ARL10: variants seen among roughly 807,000 people sequenced by gnomAD.
The protein encoded by ARL10 is ADP-ribosylation factor-like protein 10.
A neutral mutation model predicts 26.1 loss-of-function variants in ARL10; 23 were observed. The ratio of observed to expected loss-of-function variants is 0.88; its 90% CI spans 0.63 to 1.25. The LOEUF (loss-of-function observed/expected upper bound fraction) is 1.25, where lower values mean the gene tolerates loss of function less well. Among genes scored for constraint, ARL10 ranks in the 50% most tolerant of loss-of-function variants. The pLI is 0.00. For synonymous variants in ARL10, 138 were observed against 149.1 expected (o/e 0.93, Z 0.54); for missense variants, 300 against 323.6 (o/e 0.93, Z 0.56).
At chr5:176,388,596 T>C (rs1561785799) in exon 2 of ARL10, 2 of 1,498,738 alleles carry the variant, frequency 1.3e-6, no homozygotes, top group South Asian at 1.2e-5. Flanking sequence ...TCAGACCTCG[T>C]GTAACAAACT....
At chr5:176,398,576 G>C in intron 1 of ARL10, among the ~76,000 whole-genome samples, 1 of 151,900 alleles carries the variant, frequency 6.6e-6, no homozygotes, top group Middle Eastern at 3.2e-3. Flanking sequence ...GCCAGGCGTG[G>C]TGGTGCATGC....
chr5:176,389,004 A>T (rs201088320), downstream of ARL10: 165 of 1,612,494 alleles, frequency 1.0e-4, 2 homozygotes, highest in East Asian at 2.9e-3. Flanking sequence ...CTGCACAAGG[A>T]GAGGACAGTG....
downstream of ARL10, among the ~76,000 whole-genome samples, chr5:176,383,524 G>A (rs1407914036): frequency 6.6e-6 from 1 of 152,254 alleles, no homozygotes; most frequent in African/African-American, 2.4e-5. Context: ...GCCAGGTTGG[G>A]GGCCTCGGAT....
intron 1 of ARL10, 110 bp downstream of exon 1, chr5:176,365,856 G>T: frequency 8.7e-7 from 1 of 1,146,468 alleles, no homozygotes; most frequent in Non-Finnish European, 1.1e-6. Context: ...CGGGAGCTTG[G>T]GGGGTCGAGG....
chr5:176,403,605 G>C (rs564717969), downstream of ARL10, among the ~76,000 whole-genome samples: 2 of 151,402 alleles, frequency 1.3e-5, no homozygotes, highest in African/African-American at 4.9e-5. Context: ...AGGCGCCCAC[G>C]ACCACGCCTG....
intron 1 of ARL10, 131 bp from the exon 2 acceptor site, chr5:176,366,249 C>A: frequency 9.1e-7 from 1 of 1,103,790 alleles, no homozygotes; most frequent in Non-Finnish European, 1.3e-6. Flanking sequence ...TCGTCCCACT[C>A]ATCCAGACCA....
chr5:176,382,685 G>A (rs567567392), downstream of ARL10, among the ~76,000 whole-genome samples: 1 of 152,168 alleles, frequency 6.6e-6, no homozygotes, highest in African/African-American at 2.4e-5. Context: ...GGGCCGGGAG[G>A]TTGAGGCTGC....
At chr5:176,410,158 C>T in the ARL10 span, 1 of 1,061,362 alleles carries the variant, frequency 9.4e-7, no homozygotes, top group Non-Finnish European at 1.4e-6. Context: ...ACATAATGAA[C>T]AGGAGAACCT....
At position 176,365,583 on chromosome 5, in the gene ARL10, G is replaced by A. The variant is rs1178086861; in HGVS notation, c.20G>A (p.Gly7Asp). Residue 7 changes from glycine to aspartate, a missense_variant, in exon 1 of 4, where the codon GGC becomes GAC. Coordinates refer to ENST00000310389, the MANE Select transcript of ARL10 (RefSeq NM_173664.6). ...GGCCCGATGGCGCCGCGGCCGCTGGGCCCCTTGGTGCTGGCGCTGGGCGGC... is the reference window on the plus strand; with the variant it reads ...GGCCCGATGGCGCCGCGGCCGCTGGACCCCTTGGTGCTGGCGCTGGGCGGC... MAPRPL[G>D]PLVLALGGAA... 2 of 1,240,174 alleles carry A rather than the reference G, an allele frequency of 1.6e-6. No individual in the cohort carries two copies. Among genetic ancestry groups the A allele is most frequent in the African/African-American group, 1.6e-5 (1 of 64,216 alleles). 76.8% of individuals were successfully genotyped at this position (1,240,174 alleles called of 1,614,324 possible).
Position 176,377,217 on chromosome 5 carries a change from CTT to C in ARL10, c.*5324_*5325del, listed in dbSNP as rs1349402408. On this transcript the variant is annotated 3_prime_UTR_variant, in exon 4 of 4. Transcript: ENST00000310389. This position sits in a 1 kb window ranked among gnomAD's most constrained non-coding sequence, Gnocchi z 4.5. ...TGAAATTCAAAGCCAATGGTGGTAT[CTT>C]TGGCCAAGATAATCCAATCGATTCA... is the stretch of plus-strand genomic sequence containing the variant. 1 of 152,212 alleles carries C rather than the reference CTT, an allele frequency of 6.6e-6. No homozygotes were observed. Among genetic ancestry groups the C allele is most frequent in the Non-Finnish European group, 1.5e-5 (1 of 68,016 alleles). 9.4% of individuals were successfully genotyped at this position (152,212 alleles called of 1,614,324 possible). A position where few individuals can be genotyped will look rare whatever the true frequency, so the allele number is the denominator to read the frequency against.
downstream of ARL10, among the ~76,000 whole-genome samples, chr5:176,403,540 C>T (rs763784882): frequency 4.6e-5 from 7 of 151,622 alleles, no homozygotes; most frequent in Admixed American, 1.3e-4. Context: ...CTGCAACCTC[C>T]GCCTCCCGGG....
At chr5:176,392,722 C>T, downstream of ARL10, 1 of 1,596,554 alleles carries the variant, frequency 6.3e-7, no homozygotes, top group Non-Finnish European at 8.6e-7. This position sits in a 1 kb window ranked among gnomAD's most constrained non-coding sequence, Gnocchi z 5.2. Context: ...GCAGCTGCTC[C>T]TCCTGTGCCC....
chr5:176,388,969 C>G (rs540312279), downstream of ARL10: 53 of 1,614,024 alleles, frequency 3.3e-5, no homozygotes, highest in South Asian at 5.6e-4. Context: ...CGGTGGTACC[C>G]ATAGGTAAGT....
rs1371554850 is a variant in ARL10, at chr5:176,394,810, G to A, written c.134-6931G>A. On this transcript the variant is annotated intron_variant, in intron 1 of 1. Coordinates refer to the ARL10 transcript ENST00000514533. Reference sequence around the variant, plus strand: ...AGCCTGGGTGACAGAGCAAGACTCCGTCTTAAAAAAAAAAAAAAGTTTGAG... The same window carrying A: ...AGCCTGGGTGACAGAGCAAGACTCCATCTTAAAAAAAAAAAAAAGTTTGAG... Among the ~76,000 whole-genome samples, 5 of 147,908 alleles carry A rather than the reference G, an allele frequency of 3.4e-5. No homozygotes were observed. In the East Asian group the frequency reaches 6.1e-4, roughly 18 times the overall value.
rs1768392361 is a variant in ARL10 at position 176,368,203 on chromosome 5, C to T, written c.386-604C>T. The stretch of plus-strand genomic sequence containing the variant: ...GGGACTGTGTTGGCAACCATGTGTT[C>T]ATAGGATGAAATATGACATTTCCAA... On this transcript the variant is annotated intron_variant, in intron 2 of 3. Coordinates refer to ENST00000310389, the MANE Select transcript of ARL10 (RefSeq NM_173664.6). The surrounding 1 kb of genome is among the most constrained non-coding windows in gnomAD (Gnocchi z 4.1). Among the ~76,000 whole-genome samples, 1 of 152,028 alleles carries T rather than the reference C, an allele frequency of 6.6e-6. No homozygotes were observed. Among genetic ancestry groups the T allele is most frequent in the South Asian group, 2.1e-4 (1 of 4,816 alleles).
At chr5:176,387,204 C>G (rs1192662801) in intron 1 of ARL10, among the ~76,000 whole-genome samples, 9 of 152,212 alleles carry the variant, frequency 5.9e-5, no homozygotes, top group Admixed American at 3.9e-4. Flanking sequence ...CTCAGCCTCT[C>G]AAGTAGCTGG....
chr5:176,373,041 A>G lies in ARL10; in HGVS notation c.*1146A>G, dbSNP rs577948471. The G allele has an allele frequency of 7.0e-5, 28 of 398,610 alleles. No homozygotes were observed. The highest frequency in any genetic ancestry group is 5.5e-4 in the African/African-American group (27 of 48,744). 24.7% of individuals were successfully genotyped at this position (398,610 alleles called of 1,614,324 possible). ...ATGGATTCACATGAACTGAAACGCC[A>G]CCACTTGGCCCAGGATGTTGAAAGG... On this transcript the variant is annotated 3_prime_UTR_variant, in exon 4 of 4. Transcript: ENST00000310389.
chr5:176,371,651 C>CCTG (rs1159516676), intron 3 of ARL10, 71 bp from the exon 4 acceptor site: 2 of 1,346,172 alleles, frequency 1.5e-6, no homozygotes, highest in African/African-American at 1.4e-5. Flanking sequence ...CAGTGTGTTT[C>CCTG]ATGAACGACA....
chr5:176,406,257 G>A (rs755341585), downstream of ARL10: 31 of 1,030,752 alleles, frequency 3.0e-5, no homozygotes, highest in Admixed American at 5.5e-4. Context: ...CCAAGCTCTG[G>A]AGAGAGAAAG....
Sources: allele counts gnomAD v4.1 joint callset (sites outside exome capture counted in the v4.1 genomes callset), GRCh38; gene constraint gnomAD v4.1.1; non-coding constraint Gnocchi (gnomAD v3.1); transcripts MANE v1.5; gene names NCBI Gene and HGNC (gene_info 2026-07-23, HGNC 2026-07-21).